Variants in IL1RAPL2 observed in about 807,000 individuals in gnomAD.
The protein encoded by IL1RAPL2 is X-linked interleukin-1 receptor accessory protein-like 2.
Under a neutral mutation model 44.1 loss-of-function variants are expected in IL1RAPL2, and 3 were observed. The observed-to-expected ratio is 0.07, with a 90% confidence interval of 0.03 to 0.18. The LOEUF is 0.18. Among genes scored for constraint, IL1RAPL2 ranks in the 10% least tolerant of loss-of-function variants. IL1RAPL2 has a pLI of 1.00. For synonymous variants in IL1RAPL2, 181 were observed against 178.8 expected, an observed-to-expected ratio of 1.01 and a Z score of -0.10; for missense variants, 391 against 496.4, an observed-to-expected ratio of 0.79 and a Z score of 2.02.
chrX:104,875,783 C>T (rs1273350880), intron 2 of IL1RAPL2, among the ~76,000 whole-genome samples: 1 of 111,927 alleles, frequency 8.9e-6, no homozygotes, highest in Non-Finnish European at 1.9e-5. Flanking sequence ...ATATTTTCTT[C>T]TTTCCTTGCT....
intron 2 of IL1RAPL2, among the ~76,000 whole-genome samples, chrX:105,190,930 C>A (rs1444728958): frequency 8.9e-6 from 1 of 112,003 alleles, no homozygotes; most frequent in Admixed American, 9.4e-5. Context: ...TATAAAGAGG[C>A]CAAATGAGTT....
At chrX:105,668,287 G>A (rs1030558762) in intron 6 of IL1RAPL2, among the ~76,000 whole-genome samples, 1 of 112,520 alleles carries the variant, frequency 8.9e-6, no homozygotes, top group African/African-American at 3.2e-5. Flanking sequence ...ACCAGTCATA[G>A]CTATGGTTAA....
At chrX:105,566,627 C>T (rs1223132325) in intron 6 of IL1RAPL2, among the ~76,000 whole-genome samples, 1 of 111,517 alleles carries the variant, frequency 9.0e-6, no homozygotes, top group East Asian at 2.8e-4. Flanking sequence ...GGAGAGTGAT[C>T]GAGTTGATGT....
At chrX:104,601,388 G>T (rs1471498932) in intron 1 of IL1RAPL2, among the ~76,000 whole-genome samples, 1 of 106,396 alleles carries the variant, frequency 9.4e-6, no homozygotes, top group African/African-American at 3.5e-5. Flanking sequence ...TTGGTTTTTT[G>T]TCCTTGCGAT....
intron 6 of IL1RAPL2, among the ~76,000 whole-genome samples, chrX:105,588,407 G>C (rs1404154895): frequency 9.0e-6 from 1 of 111,701 alleles, no homozygotes; most frequent in Non-Finnish European, 1.9e-5. Flanking sequence ...TTTTATTTGA[G>C]GTTCAGGGAT....
intron 2 of IL1RAPL2, among the ~76,000 whole-genome samples, chrX:104,876,337 A>G (rs1026319882): frequency 8.9e-6 from 1 of 111,829 alleles, no homozygotes; most frequent in African/African-American, 3.2e-5. Flanking sequence ...TTAAATTTAT[A>G]TTTAACAGTT....
At chrX:105,509,262 A>G (rs1266253612) in intron 6 of IL1RAPL2, among the ~76,000 whole-genome samples, 3 of 112,342 alleles carry the variant, frequency 2.7e-5, no homozygotes, top group African/African-American at 6.5e-5. Context: ...ATCAGAGAAC[A>G]TCTTACTAAA....
chrX:105,452,540 T>C (rs895675558), intron 5 of IL1RAPL2, among the ~76,000 whole-genome samples: 1 of 111,731 alleles, frequency 9.0e-6, no homozygotes, highest in African/African-American at 3.3e-5. Context: ...ATGCCAGTCA[T>C]AAAAAGATAC....
intron 2 of IL1RAPL2, among the ~76,000 whole-genome samples, chrX:104,909,591 G>A (rs973183027): frequency 9.0e-6 from 1 of 111,603 alleles, no homozygotes; most frequent in African/African-American, 3.3e-5. Flanking sequence ...AGGTCTGTTG[G>A]AGTCCCCTTG....
At chrX:104,638,292 C>CT (rs1415590502) in intron 1 of IL1RAPL2, among the ~76,000 whole-genome samples, 2 of 109,903 alleles carry the variant, frequency 1.8e-5, no homozygotes, top group Non-Finnish European at 3.8e-5. Context: ...TTAATTTTAT[C>CT]TTTTCAAAAA....
intron 2 of IL1RAPL2, among the ~76,000 whole-genome samples, chrX:105,171,677 G>A (rs1264795807): frequency 9.8e-6 from 1 of 101,646 alleles, no homozygotes; most frequent in Non-Finnish European, 1.9e-5. Context: ...AACTCAGTAC[G>A]GACTCAAATA....
intron 2 of IL1RAPL2, among the ~76,000 whole-genome samples, chrX:104,801,710 A>G (rs1208804692): frequency 9.0e-6 from 1 of 111,367 alleles, no homozygotes; most frequent in Non-Finnish European, 1.9e-5. Context: ...TCATGTTTTT[A>G]TTTCTAGGAA....
intron 5 of IL1RAPL2, among the ~76,000 whole-genome samples, chrX:105,276,166 G>A (rs1422592652): frequency 1.8e-5 from 2 of 112,481 alleles, no homozygotes; most frequent in Non-Finnish European, 3.8e-5. Context: ...ACCACTTTGG[G>A]AGACCGGGAT....
intron 1 of IL1RAPL2, among the ~76,000 whole-genome samples, chrX:104,609,527 T>TA (rs1423803463): frequency 8.9e-6 from 1 of 112,386 alleles, no homozygotes; most frequent in Non-Finnish European, 1.9e-5. Flanking sequence ...GTCCCATATT[T>TA]TTTGGATGCT....
intron 5 of IL1RAPL2, among the ~76,000 whole-genome samples, chrX:105,346,099 A>T (rs1486318623): frequency 1.8e-5 from 2 of 111,713 alleles, no homozygotes; most frequent in African/African-American, 3.3e-5. Flanking sequence ...AAATAATTAA[A>T]AAAAAACAAG....
chrX:105,642,230 G>A (rs1400146554), intron 6 of IL1RAPL2, among the ~76,000 whole-genome samples: 1 of 110,449 alleles, frequency 9.1e-6, no homozygotes, highest in East Asian at 2.8e-4. Context: ...TAGGTGGTTG[G>A]CTAATCTAAA....
At chrX:104,781,368 G>A (rs998708234) in intron 2 of IL1RAPL2, among the ~76,000 whole-genome samples, 19 of 112,211 alleles carry the variant, frequency 1.7e-4, no homozygotes, top group Admixed American at 4.7e-4. Context: ...ATCTGACTTT[G>A]AAGCAGATGT....
intron 2 of IL1RAPL2, among the ~76,000 whole-genome samples, chrX:104,679,424 A>C (rs920171574): frequency 8.9e-6 from 1 of 111,998 alleles, no homozygotes; most frequent in African/African-American, 3.2e-5. Flanking sequence ...ATGAACACTG[A>C]CCACAGCATT....
chrX:105,477,992 A>G (rs2036209199), intron 5 of IL1RAPL2, among the ~76,000 whole-genome samples: 1 of 111,189 alleles, frequency 9.0e-6, no homozygotes, highest in African/African-American at 3.3e-5. Flanking sequence ...TGTGTGATCA[A>G]TGTCACTTCT....
Sources: gnomAD v4.1 joint callset for allele counts (sites outside exome capture counted in the v4.1 genomes callset) on GRCh38, gnomAD v4.1.1 for gene constraint, MANE v1.5 for transcripts, NCBI Gene and HGNC (gene_info 2026-07-23, HGNC 2026-07-21) for gene names.